Variants in ANKS1B observed in about 807,000 individuals in gnomAD.
ANKS1B encodes ankyrin repeat and sterile alpha motif domain containing 1B.
Under a neutral mutation model 148.3 loss-of-function variants are expected in ANKS1B, and 36 were observed. The ratio of observed to expected loss-of-function variants is 0.24; its 90% CI spans 0.19 to 0.32. The LOEUF (loss-of-function observed/expected upper bound fraction) is 0.32. Among genes scored for constraint, ANKS1B ranks in the 10% least tolerant of loss-of-function variants. The probability of loss-of-function intolerance (pLI) is 1.00; values close to 1 mark genes in which losing one functional copy is unlikely to be tolerated. For synonymous variants in ANKS1B, 542 were observed against 560.8 expected (o/e 0.97, Z 0.47); for missense variants, 1,157 against 1,542.6 (o/e 0.75, Z 4.19).
At position 99,007,070 on chromosome 12, in the gene ANKS1B, T is replaced by C. The variant is rs551935990; in HGVS notation, c.2778+46087A>G. Among the ~76,000 whole-genome samples, 4 of 152,162 alleles carry C rather than the reference T, an allele frequency of 2.6e-5. No homozygotes were observed. In the South Asian group the frequency reaches 6.2e-4, roughly 24 times the overall value. The stretch of plus-strand genomic sequence containing the variant: ...GATATAATAAAGCATAAAAAATCAG[T>C]TAGGAATTTTCTCTTGCTTTTGCTC... On this transcript the variant is annotated intron_variant, in intron 17 of 26. Transcript: ENST00000683438.
intron 1 of ANKS1B, among the ~76,000 whole-genome samples, chr12:99,917,924 C>T (rs1256025360): frequency 1.3e-5 from 2 of 152,368 alleles, no homozygotes; most frequent in African/African-American, 2.4e-5. Context: ...CGCCTGAGCG[C>T]TGTCTCTTGA....
chr12:98,974,239 T>C (rs964414077), intron 17 of ANKS1B, among the ~76,000 whole-genome samples: 2 of 152,178 alleles, frequency 1.3e-5, no homozygotes, highest in Non-Finnish European at 2.9e-5. Flanking sequence ...TTGTTTGTGT[T>C]ATATCAGAAT....
At chr12:98,802,705 C>T (rs145768039) in intron 20 of ANKS1B, among the ~76,000 whole-genome samples, 20 of 138,046 alleles carry the variant, frequency 1.4e-4, no homozygotes, top group South Asian at 4.8e-4. Context: ...GTTAGCATCA[C>T]GCTATTTCCT....
At chr12:99,333,657 T>C (rs1396845686) in intron 12 of ANKS1B, among the ~76,000 whole-genome samples, 1 of 151,982 alleles carries the variant, frequency 6.6e-6, no homozygotes, top group Non-Finnish European at 1.5e-5. Context: ...TTGTTCTCTA[T>C]TTGCCTCTTT....
chr12:99,741,116 G>A (rs931920041), intron 8 of ANKS1B, among the ~76,000 whole-genome samples: 2 of 151,770 alleles, frequency 1.3e-5, no homozygotes, highest in Non-Finnish European at 2.9e-5. Context: ...GCTGAGGCAG[G>A]AGAATCACTT....
chr12:99,882,156 C>G (rs2153738599), intron 1 of ANKS1B, among the ~76,000 whole-genome samples: 2 of 152,154 alleles, frequency 1.3e-5, no homozygotes, highest in Non-Finnish European at 2.9e-5. Flanking sequence ...AGTTCTGTAA[C>G]AGAATAAAAA....
At chr12:99,000,950 G>A (rs922319540) in intron 17 of ANKS1B, among the ~76,000 whole-genome samples, 4 of 152,010 alleles carry the variant, frequency 2.6e-5, no homozygotes, top group African/African-American at 9.7e-5. Context: ...TAAAGGCTGA[G>A]GCTGAGTAAT....
At chr12:99,056,430 T>C (rs2040203738) in intron 16 of ANKS1B, among the ~76,000 whole-genome samples, 1 of 152,240 alleles carries the variant, frequency 6.6e-6, no homozygotes, top group Non-Finnish European at 1.5e-5. Flanking sequence ...CCTGTTTAGG[T>C]TCTTGTTAGT....
chr12:99,876,801 T>C lies in ANKS1B; in HGVS notation c.135-51412A>G, dbSNP rs534332338. ...CACTGTATGTTTGGAAAAGTATAAG[T>C]ATAAAAAGTATGAGTTCTTTTACTT... On this transcript the variant is annotated intron_variant, in intron 1 of 26. Coordinates refer to ENST00000683438, the MANE Select transcript of ANKS1B (RefSeq NM_001352186.2). Among the ~76,000 whole-genome samples the C allele has an allele frequency of 5.3e-5, 8 of 151,972 alleles. No individual in the cohort carries two copies. In the South Asian group the frequency reaches 1.7e-3, roughly 32 times the overall value.
intron 11 of ANKS1B, among the ~76,000 whole-genome samples, chr12:99,417,866 A>G (rs984305678): frequency 2.0e-5 from 3 of 152,216 alleles, no homozygotes; most frequent in Non-Finnish European, 4.4e-5. Flanking sequence ...AAGAAGTCCA[A>G]TGTAACTATC....
chr12:99,761,980 G>T (rs916946120), intron 8 of ANKS1B, among the ~76,000 whole-genome samples: 8 of 151,806 alleles, frequency 5.3e-5, no homozygotes, highest in Admixed American at 6.6e-5. Context: ...AAGGAATACA[G>T]CTAACCAGGG....
intron 4 of ANKS1B, 143 bp downstream of exon 4, chr12:99,806,261 G>T (rs2153661764): frequency 1.1e-6 from 1 of 950,302 alleles, no homozygotes. Context: ...AAAGTAGGTG[G>T]CATAGTACCT....
At chr12:99,107,218 C>A (rs1008924775) in intron 15 of ANKS1B, among the ~76,000 whole-genome samples, 6 of 151,942 alleles carry the variant, frequency 3.9e-5, no homozygotes, top group Non-Finnish European at 7.4e-5. Flanking sequence ...ACAGTGACCC[C>A]ATCACCCCAC....
At chr12:99,490,815 A>T (rs576802713) in intron 10 of ANKS1B, among the ~76,000 whole-genome samples, 1 of 152,376 alleles carries the variant, frequency 6.6e-6, no homozygotes, top group African/African-American at 2.4e-5. Flanking sequence ...ATACTAAATG[A>T]AAAGAAAATG....
intron 9 of ANKS1B, among the ~76,000 whole-genome samples, chr12:99,603,409 T>C (rs1371245315): frequency 1.3e-5 from 2 of 152,126 alleles, no homozygotes; most frequent in African/African-American, 4.8e-5. Flanking sequence ...TAGCCATCTA[T>C]AAGGCAACCA....
intron 12 of ANKS1B, among the ~76,000 whole-genome samples, chr12:99,387,625 C>T (rs1296967014): frequency 6.6e-6 from 1 of 151,436 alleles, no homozygotes; most frequent in Non-Finnish European, 1.5e-5. Flanking sequence ...GAAGAAGAAG[C>T]CCAAGGGAGC....
intron 14 of ANKS1B, among the ~76,000 whole-genome samples, chr12:99,240,138 G>C (rs1418582097): frequency 6.6e-6 from 1 of 152,132 alleles, no homozygotes. Context: ...AAAGAGCCAA[G>C]ACCCATCAGT....
At chr12:99,924,444 T>C (rs2094438568) in intron 1 of ANKS1B, among the ~76,000 whole-genome samples, 1 of 152,216 alleles carries the variant, frequency 6.6e-6, no homozygotes, top group Non-Finnish European at 1.5e-5. Flanking sequence ...ATTTCTTAGT[T>C]CAGCTTTTAA....
intron 17 of ANKS1B, among the ~76,000 whole-genome samples, chr12:99,050,690 C>CTTTTTTTTTTTTT (rs62812561): frequency 1.8e-5 from 2 of 113,588 alleles, no homozygotes; most frequent in African/African-American, 3.4e-5. Flanking sequence ...TTTTCTTTTT[C>CTTTTTTTTTTTTT]TTTTTTTTTT....
Sources: allele counts gnomAD v4.1 joint callset (sites outside exome capture counted in the v4.1 genomes callset), GRCh38; gene constraint gnomAD v4.1.1; transcripts MANE v1.5; gene names NCBI Gene and HGNC (gene_info 2026-07-23, HGNC 2026-07-21).